DAB1: variants seen among roughly 807,000 people sequenced by gnomAD.
DAB1 encodes DAB adaptor protein 1.
DAB1 carries 15 observed loss-of-function variants against 64.6 expected under a neutral mutation model. That is an observed-to-expected ratio of 0.23 (90% CI 0.16 to 0.36). The LOEUF is 0.36. Among genes scored for constraint, DAB1 ranks in the 10% least tolerant of loss-of-function variants. The pLI, the probability that DAB1 is intolerant of heterozygous loss-of-function variation, is 1.00. For missense variants in DAB1, 596 were observed against 706.7 expected (o/e 0.84, Z 1.78); for synonymous variants, 235 against 251.9 (o/e 0.93, Z 0.64).
intron 1 of DAB1, among the ~76,000 whole-genome samples, chr1:57,418,946 G>A (rs1162908306): frequency 6.6e-6 from 1 of 152,024 alleles, no homozygotes; most frequent in Non-Finnish European, 1.5e-5. Flanking sequence ...CCAATCAGAG[G>A]GAAATATCCA....
intron 7 of DAB1, among the ~76,000 whole-genome samples, chr1:57,595,097 C>T (rs182497152): frequency 2.0e-5 from 3 of 152,074 alleles, no homozygotes; most frequent in Non-Finnish European, 4.4e-5. Flanking sequence ...TTTCTACCCA[C>T]TTCCATTAAG....
At chr1:57,238,838 T>C (rs197629) in intron 2 of DAB1, among the ~76,000 whole-genome samples, 7,536 of 96,532 alleles carry the variant, frequency 0.078, 402 homozygotes, top group African/African-American at 0.22. Context: ...CGTGTGCACA[T>C]GCGCACACAC....
intron 11 of DAB1, among the ~76,000 whole-genome samples, chr1:57,021,458 C>T (rs907223190): frequency 6.6e-6 from 1 of 152,180 alleles, no homozygotes; most frequent in Non-Finnish European, 1.5e-5. Context: ...TTTCCCCACA[C>T]CGTTCTCATG....
intron 7 of DAB1, among the ~76,000 whole-genome samples, chr1:57,536,408 C>T (rs1644728580): frequency 2.0e-5 from 3 of 152,198 alleles, no homozygotes; most frequent in African/African-American, 7.2e-5. Flanking sequence ...CACAGTGATG[C>T]TTCTGAGGAC....
intron 9 of DAB1, among the ~76,000 whole-genome samples, chr1:57,037,238 T>C (rs967112897): frequency 1.3e-5 from 2 of 152,244 alleles, no homozygotes; most frequent in Non-Finnish European, 2.9e-5. Flanking sequence ...CTAGGAAAAC[T>C]GAAGCTGCCT....
At chr1:57,024,484 G>A (rs1045213775) in intron 10 of DAB1, among the ~76,000 whole-genome samples, 2 of 152,132 alleles carry the variant, frequency 1.3e-5, no homozygotes, top group Non-Finnish European at 2.9e-5. Context: ...ATAGGCTGGG[G>A]CAAGCAATTA....
chr1:57,439,649 G>A (rs542944810), intron 7 of DAB1, among the ~76,000 whole-genome samples: 28,646 of 112,322 alleles, frequency 0.26, 5,237 homozygotes, highest in African/African-American at 0.39. Context: ...GGATGGTCTT[G>A]ATCTTCTGAC....
At chr1:57,572,827 A>AG (rs1226927556) in intron 7 of DAB1, among the ~76,000 whole-genome samples, 1 of 152,136 alleles carries the variant, frequency 6.6e-6, no homozygotes, top group Non-Finnish European at 1.5e-5. Context: ...CAGAAGGTGA[A>AG]GGGGGAGCAG....
chr1:58,028,815 G>T (rs572886033), intron 5 of DAB1, among the ~76,000 whole-genome samples: 7 of 152,292 alleles, frequency 4.6e-5, no homozygotes, highest in South Asian at 4.1e-4. Context: ...CACAGACGAG[G>T]AATCTGAGGC....
At chr1:57,311,005 A>G (rs1348279264) in intron 1 of DAB1, among the ~76,000 whole-genome samples, 1 of 152,062 alleles carries the variant, frequency 6.6e-6, no homozygotes, top group East Asian at 1.9e-4. Flanking sequence ...CTAAAAAAAA[A>G]AATAGATAGA....
intron 7 of DAB1, among the ~76,000 whole-genome samples, chr1:57,592,776 C>A (rs1324651477): frequency 6.6e-6 from 1 of 152,134 alleles, no homozygotes; most frequent in Non-Finnish European, 1.5e-5. Context: ...TCTAAGATGA[C>A]GGTGTTAGCA....
chr1:58,008,712 C>T (rs538861316), intron 5 of DAB1, among the ~76,000 whole-genome samples: 63 of 152,242 alleles, frequency 4.1e-4, no homozygotes, highest in African/African-American at 1.5e-3. Flanking sequence ...CCATCTTCCA[C>T]CTATGAAAGA....
At chr1:58,363,712 G>A (rs1208349872) in intron 3 of DAB1, among the ~76,000 whole-genome samples, 1 of 152,244 alleles carries the variant, frequency 6.6e-6, no homozygotes, top group Non-Finnish European at 1.5e-5. Flanking sequence ...TCTTCCAGGG[G>A]AAAGGCTGCC....
intron 2 of DAB1, among the ~76,000 whole-genome samples, chr1:57,287,736 C>T (rs941839805): frequency 2.6e-4 from 39 of 151,996 alleles, no homozygotes; most frequent in Admixed American, 2.6e-3. Context: ...AACTGAAGAA[C>T]AAGAAATGAA....
intron 7 of DAB1, among the ~76,000 whole-genome samples, chr1:57,592,757 A>C (rs1435012807): frequency 1.3e-5 from 2 of 152,236 alleles, no homozygotes; most frequent in Non-Finnish European, 2.9e-5. Context: ...CAGTTGCAGA[A>C]GCTGCAAGTC....
chr1:57,785,446 C>A (rs897586360), intron 6 of DAB1, among the ~76,000 whole-genome samples: 1 of 152,188 alleles, frequency 6.6e-6, no homozygotes, highest in Non-Finnish European at 1.5e-5. Context: ...GAAAAAGATT[C>A]ATCATTCTTC....
intron 6 of DAB1, among the ~76,000 whole-genome samples, chr1:57,675,356 C>T (rs1440931524): frequency 6.6e-6 from 1 of 152,178 alleles, no homozygotes; most frequent in Admixed American, 6.5e-5. Flanking sequence ...ATAGAAACAG[C>T]ACAGTAAATA....
intron 7 of DAB1, among the ~76,000 whole-genome samples, chr1:57,437,523 A>T (rs937638720): frequency 6.6e-6 from 1 of 152,226 alleles, no homozygotes; most frequent in African/African-American, 2.4e-5. Context: ...AATGGAAGAG[A>T]CCTGATAAGT....
chr1:57,754,584 G>A (rs1204821829), intron 6 of DAB1, among the ~76,000 whole-genome samples: 1 of 151,924 alleles, frequency 6.6e-6, no homozygotes, highest in Non-Finnish European at 1.5e-5. Flanking sequence ...TACTCGGAAG[G>A]CTGAGGCAGG....
Sources: allele counts gnomAD v4.1 joint callset (sites outside exome capture counted in the v4.1 genomes callset), GRCh38; gene constraint gnomAD v4.1.1; transcripts MANE v1.5; gene names NCBI Gene and HGNC (gene_info 2026-07-23, HGNC 2026-07-21).